Variants in LIPA observed in about 807,000 individuals in gnomAD.
LIPA encodes the protein lysosomal acid lipase/cholesteryl ester hydrolase.
LIPA carries 26 observed loss-of-function variants against 40.6 expected under a neutral mutation model. The ratio of observed to expected loss-of-function variants is 0.64; its 90% CI spans 0.47 to 0.89. LIPA has a LOEUF of 0.89. LIPA is among the 40% of genes least tolerant of loss of function. The pLI is 0.00. For missense variants in LIPA, 455 were observed against 479.6 expected, an observed-to-expected ratio of 0.95 and a Z score of 0.48; for synonymous variants, 188 against 168.4, an observed-to-expected ratio of 1.12 and a Z score of -0.90.
At chr10:89,238,828 A>G (rs1842934969) in intron 3 of LIPA, among the ~76,000 whole-genome samples, 1 of 152,246 alleles carries the variant, frequency 6.6e-6, no homozygotes, top group Non-Finnish European at 1.5e-5. Context: ...CGTTACAGGT[A>G]AGCCCTCTGG....
intron 2 of LIPA, chr10:89,384,666 A>G: frequency 6.2e-7 from 1 of 1,614,198 alleles, no homozygotes; most frequent in Non-Finnish European, 8.5e-7. Context: ...AATTGAAAGG[A>G]GAAGTAAGTG....
chr10:89,360,414 G>A (rs948163252), intron 2 of LIPA, among the ~76,000 whole-genome samples: 2 of 152,192 alleles, frequency 1.3e-5, no homozygotes, highest in African/African-American at 4.8e-5. Flanking sequence ...GGAAGAGAAT[G>A]AAACCCAGTC....
At chr10:89,367,489 C>A (rs188033299) in intron 2 of LIPA, among the ~76,000 whole-genome samples, 1 of 152,204 alleles carries the variant, frequency 6.6e-6, no homozygotes, top group Admixed American at 6.5e-5. Flanking sequence ...ACTGGCTCAT[C>A]TAGGCCTATA....
intron 1 of LIPA, chr10:89,284,441 C>G (rs1213976122): frequency 1.3e-5 from 2 of 152,120 alleles, no homozygotes; most frequent in Non-Finnish European, 2.9e-5. Context: ...CTCTGAGGCC[C>G]CTAAAAGCCT....
chr10:89,401,802 AC>A (rs1331642704), intron 2 of LIPA, among the ~76,000 whole-genome samples: 1 of 135,690 alleles, frequency 7.4e-6, no homozygotes, highest in Non-Finnish European at 1.6e-5. Flanking sequence ...AAAAAAAAAA[AC>A]CCGGGTCAAA....
At chr10:89,349,564 G>A (rs1025585579) in intron 2 of LIPA, among the ~76,000 whole-genome samples, 6 of 152,152 alleles carry the variant, frequency 3.9e-5, no homozygotes, top group African/African-American at 1.4e-4. Flanking sequence ...AAAAGTGAGG[G>A]ATGTAGATTC....
chr10:89,376,991 G>A (rs1844126477), intron 2 of LIPA, among the ~76,000 whole-genome samples: 1 of 152,188 alleles, frequency 6.6e-6, no homozygotes, highest in African/African-American at 2.4e-5. Flanking sequence ...CACTCAGAGG[G>A]AAATCGCTCT....
chr10:89,271,461 C>A (rs917536605), intron 1 of LIPA, among the ~76,000 whole-genome samples: 4 of 152,150 alleles, frequency 2.6e-5, no homozygotes, highest in Non-Finnish European at 4.4e-5. Flanking sequence ...AATTAACCAG[C>A]AGGCTTAAAA....
At chr10:89,329,780 C>G (rs775946244) in intron 1 of LIPA, among the ~76,000 whole-genome samples, 3 of 152,000 alleles carry the variant, frequency 2.0e-5, no homozygotes, top group Non-Finnish European at 1.5e-5. Context: ...CATGCAAGTC[C>G]GTGTGAAGAG....
At chr10:89,388,046 G>A (rs1197094942) in intron 2 of LIPA, among the ~76,000 whole-genome samples, 2 of 152,150 alleles carry the variant, frequency 1.3e-5, no homozygotes, top group Non-Finnish European at 2.9e-5. Context: ...TTTTAAGTGC[G>A]CTGTAATTTG....
intron 2 of LIPA, chr10:89,403,283 G>T: frequency 6.2e-7 from 1 of 1,614,144 alleles, no homozygotes; most frequent in South Asian, 1.1e-5. Context: ...TGGAAAAAAA[G>T]CCCACATTTG....
intron 1 of LIPA, among the ~76,000 whole-genome samples, chr10:89,322,334 A>G (rs1037093458): frequency 2.0e-5 from 3 of 152,188 alleles, no homozygotes; most frequent in African/African-American, 7.2e-5. Flanking sequence ...CTGCAGGCCA[A>G]TCATCTGAGA....
chr10:89,341,807 C>G (rs1564795182), intron 1 of LIPA, among the ~76,000 whole-genome samples: 1 of 152,294 alleles, frequency 6.6e-6, no homozygotes, highest in East Asian at 1.9e-4. Flanking sequence ...CATTTCCAAA[C>G]TCAAAGATCC....
chr10:89,401,119 CTTT>C (rs34774861), intron 2 of LIPA, among the ~76,000 whole-genome samples: 2 of 139,916 alleles, frequency 1.4e-5, no homozygotes, highest in Non-Finnish European at 1.6e-5. Flanking sequence ...ATTTAGATGA[CTTT>C]TTTTTTTTTT....
At chr10:89,345,187 T>G (rs1843908970), upstream of LIPA, among the ~76,000 whole-genome samples, 1 of 151,252 alleles carries the variant, frequency 6.6e-6, no homozygotes, top group Admixed American at 6.6e-5. Flanking sequence ...AAGAATGTAT[T>G]AGTGTATTTA....
At chr10:89,348,098 A>G (rs1843934552) in intron 2 of LIPA, among the ~76,000 whole-genome samples, 1 of 152,234 alleles carries the variant, frequency 6.6e-6, no homozygotes, top group African/African-American at 2.4e-5. Flanking sequence ...GGAAAGTTCC[A>G]GAGTGGATCC....
intron 2 of LIPA, among the ~76,000 whole-genome samples, chr10:89,372,319 C>G (rs1196331389): frequency 1.3e-5 from 2 of 152,184 alleles, no homozygotes; most frequent in East Asian, 1.9e-4. Flanking sequence ...TGCTCACAGA[C>G]TAGACAGTCT....
rs139141046 is a variant in LIPA at position 89,371,269 on chromosome 10, A to G, written c.61+41522T>C. On this transcript the variant is annotated intron_variant, in intron 2 of 8. Transcript: ENST00000371837. ...CACTGCCACTTCATGATCTTAATGC[A>G]TATGGCTTAAGACATATGGGTTAAC... Among the ~76,000 whole-genome samples the G allele has an allele frequency of 9.6e-3, 1,462 of 152,336 alleles. 11 individuals carry two copies. The highest frequency in any genetic ancestry group is 0.015 in the Non-Finnish European group (1,030 of 68,022).
At chr10:89,404,602 C>G (rs976169475) in intron 2 of LIPA, 1 of 152,246 alleles carries the variant, frequency 6.6e-6, no homozygotes, top group East Asian at 1.9e-4. Flanking sequence ...CTGTAATACC[C>G]TCCCTTCCTC....
Sources: allele counts gnomAD v4.1 joint callset (sites outside exome capture counted in the v4.1 genomes callset), GRCh38; gene constraint gnomAD v4.1.1; transcripts MANE v1.5; gene names NCBI Gene and HGNC (gene_info 2026-07-23, HGNC 2026-07-21).